The following GABRA2 variants were observed in gnomAD, a reference collection of about 807,000 sequenced individuals.
The protein encoded by GABRA2 is gamma-aminobutyric acid receptor subunit alpha-2.
A neutral mutation model predicts 48.7 loss-of-function variants in GABRA2; 16 were observed. The ratio of observed to expected loss-of-function variants is 0.33; its 90% CI spans 0.22 to 0.50. GABRA2 has a LOEUF of 0.50. Ranked by LOEUF, GABRA2 falls within the 20% of genes least tolerant of loss-of-function variation. The pLI is 0.98. For synonymous variants in GABRA2, 185 were observed against 184.5 expected (o/e 1.00, Z -0.02); for missense variants, 275 against 535.6 (o/e 0.51, Z 4.80).
intron 8 of GABRA2, among the ~76,000 whole-genome samples, chr4:46,299,055 T>C (rs1358655928): frequency 6.6e-6 from 1 of 151,336 alleles, no homozygotes; most frequent in African/African-American, 2.4e-5. Context: ...TAATTCAATT[T>C]TGACTCATAA....
At chr4:46,292,300 T>C (rs1198711639) in intron 8 of GABRA2, among the ~76,000 whole-genome samples, 2 of 152,212 alleles carry the variant, frequency 1.3e-5, no homozygotes, top group Non-Finnish European at 2.9e-5. Flanking sequence ...TTATCTCCTG[T>C]AGACAAAGAG....
Position 46,383,170 on chromosome 4 carries a change from G to A in GABRA2, c.187+2904C>T, listed in dbSNP as rs183438033. Among the ~76,000 whole-genome samples the A allele has an allele frequency of 6.9e-3, 1,055 of 152,088 alleles. 7 individuals are homozygous for A. The highest frequency in any genetic ancestry group is 0.02 in the Middle Eastern group (6 of 294). ...ATTAACTGTCCACTAAATGCCAGTCGCTATGCTAAATTCATTGCATATATT... is the reference window on the plus strand; with the variant it reads ...ATTAACTGTCCACTAAATGCCAGTCACTATGCTAAATTCATTGCATATATT... On this transcript the variant is annotated intron_variant, in intron 3 of 9. Transcript: ENST00000381620.
At position 46,377,978 on chromosome 4, in the gene GABRA2, G is replaced by A. The variant is rs552291007; in HGVS notation, c.187+8096C>T. Among the ~76,000 whole-genome samples the A allele has an allele frequency of 2.0e-5, 3 of 151,504 alleles. No homozygotes were observed. The East Asian group carries it at 5.9e-4, about 30-fold the overall frequency. On this transcript the variant is annotated intron_variant, in intron 3 of 9. Coordinates refer to ENST00000381620, the MANE Select transcript of GABRA2 (RefSeq NM_000807.4). ...GCCCGGCCAGCCGCCCCATCCAGGA[G>A]GGAGGTGGGGGGGTCAGCCCCCCGC...
intron 8 of GABRA2, among the ~76,000 whole-genome samples, chr4:46,270,989 C>CTA (rs1445309986): frequency 3.5e-5 from 4 of 112,908 alleles, no homozygotes; most frequent in African/African-American, 5.7e-5. Context: ...TGTGCCCCTA[C>CTA]TATATAAAAA....
intron 8 of GABRA2, among the ~76,000 whole-genome samples, chr4:46,293,515 G>T (rs559470442): frequency 6.6e-6 from 1 of 152,266 alleles, no homozygotes; most frequent in African/African-American, 2.4e-5. Context: ...GCTTATGGAG[G>T]TCAGGGAATT....
chr4:46,281,550 T>C (rs1404151359), intron 8 of GABRA2, among the ~76,000 whole-genome samples: 3 of 152,144 alleles, frequency 2.0e-5, no homozygotes, highest in Non-Finnish European at 1.5e-5. Flanking sequence ...GCATTTCTCA[T>C]TTAGTAGAAG....
chr4:46,303,223 AG>A, intron 8 of GABRA2: 2 of 484,924 alleles, frequency 4.1e-6, no homozygotes, highest in Non-Finnish European at 7.3e-6. Context: ...ATGATTTAAC[AG>A]AAAGAAGACT....
chr4:46,337,019 A>T (rs1293232564), intron 3 of GABRA2, among the ~76,000 whole-genome samples: 1 of 152,132 alleles, frequency 6.6e-6, no homozygotes, highest in African/African-American at 2.4e-5. Context: ...TCTTTGCAAA[A>T]CTATGAAAGA....
intron 3 of GABRA2, among the ~76,000 whole-genome samples, chr4:46,355,072 A>G: frequency 6.6e-6 from 1 of 151,628 alleles, no homozygotes; most frequent in East Asian, 1.9e-4. Flanking sequence ...ATCCTAGTCT[A>G]CTCCCTTCCG....
At chr4:46,326,720 A>G (rs918649997) in intron 4 of GABRA2, among the ~76,000 whole-genome samples, 1 of 151,840 alleles carries the variant, frequency 6.6e-6, no homozygotes, top group African/African-American at 2.4e-5. Flanking sequence ...CTATGGTTTC[A>G]ACCACCATTA....
At chr4:46,305,814 A>C in intron 6 of GABRA2, 103 bp from the exon 7 acceptor site, 1 of 774,096 alleles carries the variant, frequency 1.3e-6, no homozygotes, top group Non-Finnish European at 2.0e-6. Context: ...TATACTTTCA[A>C]TATTAATAGT....
chr4:46,336,672 C>T (rs1333697757), intron 3 of GABRA2, among the ~76,000 whole-genome samples: 2 of 152,052 alleles, frequency 1.3e-5, no homozygotes, highest in African/African-American at 2.4e-5. Context: ...ATGTATAATC[C>T]TTAGAGCAAT....
intron 4 of GABRA2, among the ~76,000 whole-genome samples, chr4:46,325,364 G>T (rs1730178747): frequency 6.6e-6 from 1 of 151,902 alleles, no homozygotes; most frequent in Admixed American, 6.6e-5. Flanking sequence ...TCATATGCTT[G>T]TTGCCTCCAT....
chr4:46,388,594 T>C, intron 2 of GABRA2, 42 bp downstream of exon 2: 1 of 1,609,738 alleles, frequency 6.2e-7, no homozygotes, highest in Non-Finnish European at 8.5e-7. Context: ...GAAACACATC[T>C]TTGCCCTGAA....
chr4:46,268,780 A>C (rs1325259671), intron 8 of GABRA2, among the ~76,000 whole-genome samples: 1 of 151,930 alleles, frequency 6.6e-6, no homozygotes, highest in East Asian at 1.9e-4. Flanking sequence ...AACTTATGGG[A>C]TCAACCTAAG....
intron 6 of GABRA2, among the ~76,000 whole-genome samples, chr4:46,307,636 A>C (rs1248251983): frequency 6.6e-6 from 1 of 152,106 alleles, no homozygotes; most frequent in Non-Finnish European, 1.5e-5. Context: ...CAGAAGAAAA[A>C]GTCTCAATTC....
intron 8 of GABRA2, among the ~76,000 whole-genome samples, chr4:46,293,767 G>A (rs1408152242): frequency 6.6e-6 from 1 of 152,172 alleles, no homozygotes; most frequent in Non-Finnish European, 1.5e-5. Flanking sequence ...TCGCATCCCT[G>A]GAGGAACTGC....
intron 1 of GABRA2, chr4:46,388,983 C>G (rs899716377): frequency 1.6e-6 from 2 of 1,242,784 alleles, no homozygotes. Flanking sequence ...AATCAGACTT[C>G]TCTCTGCCAG....
chr4:46,383,430 C>G (rs1317666087), intron 3 of GABRA2, among the ~76,000 whole-genome samples: 1 of 152,144 alleles, frequency 6.6e-6, no homozygotes, highest in African/African-American at 2.4e-5. Context: ...GTCCCATTTT[C>G]CAGACAATGA....
Sources: gnomAD v4.1 joint callset for allele counts (sites outside exome capture counted in the v4.1 genomes callset) on GRCh38, gnomAD v4.1.1 for gene constraint, MANE v1.5 for transcripts, NCBI Gene and HGNC (gene_info 2026-07-23, HGNC 2026-07-21) for gene names.